TXLNB: variants seen among roughly 807,000 people sequenced by gnomAD.
TXLNB encodes beta-taxilin.
Under a neutral mutation model 57.4 loss-of-function variants are expected in TXLNB, and 37 were observed. The ratio of observed to expected loss-of-function variants is 0.64; its 90% CI spans 0.50 to 0.85. The LOEUF is 0.85. Ranked by LOEUF, TXLNB falls within the 40% of genes least tolerant of loss-of-function variation. The probability of loss-of-function intolerance (pLI) is 0.00; values close to 1 mark genes in which losing one functional copy is unlikely to be tolerated. For missense variants in TXLNB, 848 were observed against 825.6 expected, an observed-to-expected ratio of 1.03 and a Z score of -0.33; for synonymous variants, 302 against 309.6, an observed-to-expected ratio of 0.98 and a Z score of 0.26.
At chr6:139,226,367 A>C in the TXLNB span, among the ~76,000 whole-genome samples, 2 of 151,104 alleles carry the variant, frequency 1.3e-5, no homozygotes, top group Non-Finnish European at 3.0e-5. Flanking sequence ...ACACCTGAAC[A>C]TTCAATTTAT....
chr6:139,239,851 G>GTCTCTCTCTGTCTCTCTCTGTC (rs1562267590), downstream of TXLNB, among the ~76,000 whole-genome samples: 4 of 150,804 alleles, frequency 2.7e-5, no homozygotes, highest in African/African-American at 9.8e-5. The surrounding 1 kb of genome is among the most constrained non-coding windows in gnomAD (Gnocchi z 4.7). Context: ...TTCTCTCTCT[G>GTCTCTCTCTGTCTCTCTCTGTC]TCTCTCTCTG....
At chr6:139,303,960 G>A in the TXLNB span, among the ~76,000 whole-genome samples, 2 of 150,324 alleles carry the variant, frequency 1.3e-5, no homozygotes, top group African/African-American at 4.9e-5. Context: ...GAACTGCCTT[G>A]TGCTAGAAAG....
rs1775943810 is a variant in TXLNB, at chr6:139,241,944, G to A, written c.*582C>T. 6.6e-6 allele frequency: 1 copy of A among 152,044 alleles called. No homozygotes were observed. The highest frequency in any genetic ancestry group is 1.5e-5 in the Non-Finnish European group (1 of 68,014). The allele number at this position is 152,044 out of a possible 1,614,324, so 9.4% of individuals were successfully genotyped here. On this transcript the variant is annotated 3_prime_UTR_variant, in exon 10 of 10. Coordinates refer to ENST00000358430, the MANE Select transcript of TXLNB (RefSeq NM_153235.4). ...TGCATTGAGAAAAATGCATTAAGGGGTGAGAGAAATGTATGTGTAATAATG... is the reference window on the plus strand; with the variant it reads ...TGCATTGAGAAAAATGCATTAAGGGATGAGAGAAATGTATGTGTAATAATG...
the TXLNB span, among the ~76,000 whole-genome samples, chr6:139,217,468 A>G: frequency 6.6e-6 from 1 of 152,206 alleles, no homozygotes; most frequent in Non-Finnish European, 1.5e-5. Context: ...TATTTAAATT[A>G]TTGCCCACTT....
chr6:139,301,473 T>A, the TXLNB span, among the ~76,000 whole-genome samples: 1 of 152,310 alleles, frequency 6.6e-6, no homozygotes, highest in South Asian at 2.1e-4. Context: ...GCTACCTTCC[T>A]ATGAAGTCCC....
the TXLNB span, chr6:139,166,416 A>T: frequency 6.2e-7 from 1 of 1,614,226 alleles, no homozygotes; most frequent in East Asian, 2.2e-5. Flanking sequence ...CAGTGCTTCT[A>T]CGAGTGGGAG....
rs1775897139 is a variant in TXLNB at position 139,240,127 on chromosome 6, CTT to C, written c.*2397_*2398del. Reference sequence around the variant, plus strand: ...AGTTATTTAACTTAGAAAACAATAACTTTAGTGTTTCTAGAAAGTAGATGGCA... The same window carrying C: ...AGTTATTTAACTTAGAAAACAATAACTAGTGTTTCTAGAAAGTAGATGGCA... On this transcript the variant is annotated 3_prime_UTR_variant, in exon 10 of 10. Coordinates refer to ENST00000358430, the MANE Select transcript of TXLNB (RefSeq NM_153235.4). 1 of 152,432 alleles carries C rather than the reference CTT, an allele frequency of 6.6e-6. No homozygotes were observed. Among genetic ancestry groups the C allele is most frequent in the African/African-American group, 2.4e-5 (1 of 41,400 alleles). The allele number at this position is 152,432 out of a possible 1,614,324, so 9.4% of individuals were successfully genotyped here.
chr6:139,167,543 G>A, the TXLNB span, among the ~76,000 whole-genome samples: 1 of 152,130 alleles, frequency 6.6e-6, no homozygotes, highest in African/African-American at 2.4e-5. Context: ...GGATAATTTT[G>A]TGTGTTCTGT....
intron 5 of TXLNB, among the ~76,000 whole-genome samples, chr6:139,261,456 G>A (rs557003452): frequency 1.3e-5 from 2 of 152,172 alleles, no homozygotes; most frequent in African/African-American, 4.8e-5. Context: ...CAACAGAGCC[G>A]CTTTGACTAT....
At chr6:139,243,399 CA>C in intron 9 of TXLNB, 85 bp from the exon 10 acceptor site, 1 of 1,389,612 alleles carries the variant, frequency 7.2e-7, no homozygotes, top group South Asian at 1.4e-5. Flanking sequence ...TGGAAACAAG[CA>C]AAACTATTTG....
At chr6:139,167,313 G>T in the TXLNB span, 1 of 1,592,390 alleles carries the variant, frequency 6.3e-7, no homozygotes, top group Middle Eastern at 1.7e-4. Flanking sequence ...GATGTTCCTT[G>T]TCACCTTCAA....
the TXLNB span, among the ~76,000 whole-genome samples, chr6:139,202,968 C>T: frequency 1.3e-5 from 2 of 152,276 alleles, no homozygotes; most frequent in Non-Finnish European, 2.9e-5. Context: ...TCTTTCTGTG[C>T]CTGGCTCATT....
chr6:139,163,111 G>A, the TXLNB span, among the ~76,000 whole-genome samples: 1 of 152,208 alleles, frequency 6.6e-6, no homozygotes, highest in African/African-American at 2.4e-5. Context: ...GACTTTTCAG[G>A]TTTATTGCAT....
chr6:139,195,276 T>G, the TXLNB span, among the ~76,000 whole-genome samples: 1 of 152,266 alleles, frequency 6.6e-6, no homozygotes, highest in African/African-American at 2.4e-5. Flanking sequence ...TTGTAAGTTT[T>G]GTAGAAACAA....
At chr6:139,310,789 G>A in the TXLNB span, among the ~76,000 whole-genome samples, 1 of 152,176 alleles carries the variant, frequency 6.6e-6, no homozygotes, top group African/African-American at 2.4e-5. Flanking sequence ...CCGCCTCCCG[G>A]ATTCAAGTGA....
the TXLNB span, among the ~76,000 whole-genome samples, chr6:139,174,165 A>T: frequency 1.3e-5 from 2 of 152,244 alleles, no homozygotes; most frequent in African/African-American, 4.8e-5. Context: ...CAAGTTTTTA[A>T]TATGCTTGAA....
the TXLNB span, among the ~76,000 whole-genome samples, chr6:139,214,785 G>T: frequency 6.6e-6 from 1 of 152,116 alleles, no homozygotes; most frequent in African/African-American, 2.4e-5. Flanking sequence ...AAAGTCTCAG[G>T]ATACAAAATC....
In TXLNB at chr6:139,242,584, G is replaced by T; in HGVS notation, c.1997C>A (p.Ala666Asp). Reference sequence around the variant, plus strand: ...GTTGCGCGGCTGGGGCCCAGCTGAGGCCCCTACTGGCAGCTCCTCTGCTGC... The same window carrying T: ...GTTGCGCGGCTGGGGCCCAGCTGAGTCCCCTACTGGCAGCTCCTCTGCTGC... ...RAAAEELPVG[A>D]SAGPQPRNVA... Residue 666 changes from alanine (A) to aspartate (D), a missense_variant, in exon 10 of 10, where the codon GCC becomes GAC. By Grantham distance (126) the Ala-to-Asp change is moderately radical (BLOSUM62 -2). Transcript: ENST00000358430. 1 of 1,536,778 alleles carries T rather than the reference G, an allele frequency of 6.5e-7. No homozygotes were observed. The highest frequency in any genetic ancestry group is 8.7e-7 in the Non-Finnish European group (1 of 1,145,710).
the TXLNB span, among the ~76,000 whole-genome samples, chr6:139,170,817 G>C: frequency 6.6e-6 from 1 of 152,140 alleles, no homozygotes; most frequent in African/African-American, 2.4e-5. Flanking sequence ...GGAAAGGTGC[G>C]GGAAAGGGGT....
Sources: gnomAD v4.1 joint callset for allele counts (sites outside exome capture counted in the v4.1 genomes callset) on GRCh38, gnomAD v4.1.1 for gene constraint, Gnocchi (gnomAD v3.1) non-coding constraint, MANE v1.5 for transcripts, NCBI Gene and HGNC (gene_info 2026-07-23, HGNC 2026-07-21) for gene names.